Variants in RIMS2 observed in about 807,000 individuals in gnomAD.
RIMS2 encodes the protein regulating synaptic membrane exocytosis 2, also known as regulating synaptic membrane exocytosis protein 2.
A neutral mutation model predicts 174.4 loss-of-function variants in RIMS2; 59 were observed. The ratio of observed to expected loss-of-function variants is 0.34; its 90% CI spans 0.27 to 0.42. The LOEUF is 0.42. RIMS2 is among the 10% of genes least tolerant of loss of function. The pLI is 1.00. For missense variants in RIMS2, 1,620 were observed against 1,666.3 expected, an observed-to-expected ratio of 0.97 and a Z score of 0.48; for synonymous variants, 606 against 572.5, an observed-to-expected ratio of 1.06 and a Z score of -0.84.
chr8:103,931,389 A>G (rs772451419), exon 12 of RIMS2: 1 of 1,590,286 alleles, frequency 6.3e-7, no homozygotes, highest in African/African-American at 1.4e-5. Context: ...TCTTCCAGAC[A>G]GAAGGTAAGG....
intron 2 of RIMS2, 93 bp from the exon 6 acceptor site, chr8:103,766,134 C>T (rs1264587188): frequency 9.3e-6 from 7 of 749,830 alleles, no homozygotes; most frequent in East Asian, 5.1e-5. Flanking sequence ...AGGATAACCA[C>T]GTAATTTTTT....
intron 1 of RIMS2, among the ~76,000 whole-genome samples, chr8:103,576,143 C>T (rs2093216967): frequency 6.6e-6 from 1 of 152,168 alleles, no homozygotes; most frequent in East Asian, 1.9e-4. Context: ...GGGCATGAAT[C>T]CCTAGCCAGC....
At chr8:103,790,610 T>G (rs2098487797) in intron 3 of RIMS2, among the ~76,000 whole-genome samples, 1 of 152,222 alleles carries the variant, frequency 6.6e-6, no homozygotes, top group Non-Finnish European at 1.5e-5. Context: ...TCTGTATTTT[T>G]ATTATAATCA....
At chr8:104,143,150 A>AT (rs1262915494) in intron 19 of RIMS2, among the ~76,000 whole-genome samples, 1 of 152,158 alleles carries the variant, frequency 6.6e-6, no homozygotes, top group Non-Finnish European at 1.5e-5. Context: ...ATGTCATATC[A>AT]TTTTTGTATC....
At chr8:104,057,606 T>G (rs1199134140) in intron 19 of RIMS2, among the ~76,000 whole-genome samples, 1 of 151,752 alleles carries the variant, frequency 6.6e-6, no homozygotes, top group Non-Finnish European at 1.5e-5. Context: ...TTAGGGTACA[T>G]GTGCACAATG....
chr8:103,793,126 T>TA (rs970773304), intron 3 of RIMS2, among the ~76,000 whole-genome samples: 16 of 151,704 alleles, frequency 1.1e-4, no homozygotes, highest in East Asian at 7.8e-4. Context: ...AGAGACACAA[T>TA]AAAAAAAGAG....
chr8:103,906,273 G>A (rs940017753), intron 4 of RIMS2, among the ~76,000 whole-genome samples: 7 of 152,022 alleles, frequency 4.6e-5, no homozygotes, highest in South Asian at 4.2e-4. Context: ...ATGAAGTCTC[G>A]TTCTGTTGTT....
intron 1 of RIMS2, among the ~76,000 whole-genome samples, chr8:103,540,290 A>C (rs1028950182): frequency 6.6e-6 from 1 of 152,118 alleles, no homozygotes; most frequent in Non-Finnish European, 1.5e-5. Flanking sequence ...CGGTGGGAGA[A>C]AAAGAAATTG....
chr8:104,040,101 T>C (rs536274421), intron 19 of RIMS2, among the ~76,000 whole-genome samples: 6 of 151,682 alleles, frequency 4.0e-5, no homozygotes, highest in Non-Finnish European at 7.4e-5. Context: ...ATGTTTTCAT[T>C]TTATCACTAT....
At chr8:103,601,819 T>A (rs551660916) in intron 1 of RIMS2, among the ~76,000 whole-genome samples, 7 of 152,290 alleles carry the variant, frequency 4.6e-5, no homozygotes, top group East Asian at 1.9e-4. Flanking sequence ...GTTCTGTTTT[T>A]TTCAATTTGA....
At chr8:103,933,319 A>G (rs1291466192) in intron 12 of RIMS2, among the ~76,000 whole-genome samples, 1 of 137,172 alleles carries the variant, frequency 7.3e-6, no homozygotes, top group Non-Finnish European at 1.5e-5. Context: ...ACACACACAC[A>G]CACACACACA....
rs534797839 is a variant in RIMS2, at chr8:104,198,757, C to A, written c.3335-46159C>A. Among the ~76,000 whole-genome samples the A allele has an allele frequency of 1.5e-4, 23 of 152,298 alleles. No individual in the cohort carries two copies. In the South Asian group the frequency reaches 4.6e-3, roughly 30 times the overall value. On this transcript the variant is annotated intron_variant, in intron 19 of 23. Transcript: ENST00000504942. Reference sequence around the variant, plus strand: ...CTCTGGAGTGAGTGGAGTATCCCAGCCTTTTAGGTCCAGTCCTCGTCACCA... The same window carrying A: ...CTCTGGAGTGAGTGGAGTATCCCAGACTTTTAGGTCCAGTCCTCGTCACCA...
Position 104,101,909 on chromosome 8 carries a change from C to T in RIMS2, c.3334+87294C>T, listed in dbSNP as rs2097910787. Among the ~76,000 whole-genome samples the T allele has an allele frequency of 2.0e-5, 3 of 152,196 alleles. No homozygotes were observed. In the South Asian group the frequency reaches 6.2e-4, roughly 32 times the overall value. ...CTGCCCTCTTGGCTTTTATGATTGT[C>T]TGTTAGTTCTGCATACACTCTGGCC... On this transcript the variant is annotated intron_variant, in intron 19 of 23. Transcript: ENST00000504942.
chr8:103,920,369 A>T (rs1375110143), intron 9 of RIMS2, among the ~76,000 whole-genome samples: 1 of 152,148 alleles, frequency 6.6e-6, no homozygotes, highest in Non-Finnish European at 1.5e-5. Context: ...CCTAAAGCTT[A>T]ACAACCTTTA....
chr8:103,922,792 C>A, intron 10 of RIMS2: 1 of 220,624 alleles, frequency 4.5e-6, no homozygotes, highest in South Asian at 4.8e-5. Context: ...GAAGTATTTT[C>A]ATTAATTAAA....
intron 3 of RIMS2, among the ~76,000 whole-genome samples, chr8:103,788,824 G>T (rs1199885375): frequency 1.3e-5 from 2 of 152,254 alleles, no homozygotes; most frequent in Non-Finnish European, 2.9e-5. Flanking sequence ...TGGCTGCTTT[G>T]TTTATCTAAG....
At chr8:103,947,408 TAG>T (rs1426103540) in intron 14 of RIMS2, among the ~76,000 whole-genome samples, 1 of 152,198 alleles carries the variant, frequency 6.6e-6, no homozygotes, top group African/African-American at 2.4e-5. Flanking sequence ...ATGAACATCA[TAG>T]AGTGCACTTA....
chr8:104,162,379 G>T (rs1309692598), intron 19 of RIMS2, among the ~76,000 whole-genome samples: 1 of 151,954 alleles, frequency 6.6e-6, no homozygotes, highest in East Asian at 1.9e-4. Context: ...ATAAAATTTA[G>T]AAGAATTTAT....
chr8:103,891,640 T>C (rs2099246344), intron 4 of RIMS2, among the ~76,000 whole-genome samples: 2 of 152,228 alleles, frequency 1.3e-5, no homozygotes, highest in South Asian at 4.1e-4. Context: ...GCAGGCCTTT[T>C]TTTGTTTCTG....
Sources: allele counts gnomAD v4.1 joint callset (sites outside exome capture counted in the v4.1 genomes callset), GRCh38; gene constraint gnomAD v4.1.1; transcripts MANE v1.5; gene names NCBI Gene and HGNC (gene_info 2026-07-23, HGNC 2026-07-21).